Variants in GALNT13 observed in about 807,000 individuals in gnomAD.
GALNT13 encodes the protein polypeptide N-acetylgalactosaminyltransferase 13.
A neutral mutation model predicts 64.2 loss-of-function variants in GALNT13; 28 were observed. That is an observed-to-expected ratio of 0.44 (90% CI 0.32 to 0.60). The LOEUF (loss-of-function observed/expected upper bound fraction) is 0.60. Ranked by LOEUF, GALNT13 falls within the 20% of genes least tolerant of loss-of-function variation. GALNT13 has a pLI of 0.05. For missense variants in GALNT13, 577 were observed against 669.8 expected (o/e 0.86, Z 1.53); for synonymous variants, 214 against 224.6 (o/e 0.95, Z 0.42).
chr2:153,963,729 C>CTG (rs1357755350), intron 3 of GALNT13, among the ~76,000 whole-genome samples: 5,219 of 116,768 alleles, frequency 0.045, 93 homozygotes, highest in Non-Finnish European at 0.055. Context: ...CTCTCTCTCT[C>CTG]TCTGTGTGTG....
At chr2:153,537,745 G>A in the GALNT13 span, among the ~76,000 whole-genome samples, 3 of 152,090 alleles carry the variant, frequency 2.0e-5, no homozygotes, top group Non-Finnish European at 2.9e-5. Flanking sequence ...TTTATAAGGC[G>A]ATTTTCCCCC....
intron 3 of GALNT13, among the ~76,000 whole-genome samples, chr2:154,050,181 C>G (rs536747211): frequency 1.1e-4 from 16 of 152,050 alleles, no homozygotes; most frequent in East Asian, 5.8e-4. Flanking sequence ...TAGTAATAAG[C>G]CTTTGTATAA....
At chr2:153,779,719 C>G in the GALNT13 span, among the ~76,000 whole-genome samples, 4 of 152,068 alleles carry the variant, frequency 2.6e-5, no homozygotes, top group Non-Finnish European at 4.4e-5. Flanking sequence ...GGTAATTTCT[C>G]ATGAGTGATG....
intron 8 of GALNT13, among the ~76,000 whole-genome samples, chr2:154,265,594 G>T (rs1272036511): frequency 6.6e-6 from 1 of 152,134 alleles, no homozygotes; most frequent in East Asian, 1.9e-4. Context: ...AGCTACTTGG[G>T]AGGCTGAAAC....
chr2:153,402,574 G>A, the GALNT13 span, among the ~76,000 whole-genome samples: 2 of 152,016 alleles, frequency 1.3e-5, no homozygotes, highest in Admixed American at 6.6e-5. Flanking sequence ...CCAATCAGAC[G>A]TAGATTTGGT....
the GALNT13 span, among the ~76,000 whole-genome samples, chr2:153,524,608 C>A: frequency 3.3e-5 from 5 of 151,972 alleles, no homozygotes; most frequent in Non-Finnish European, 7.4e-5. Flanking sequence ...AGGAAGATGG[C>A]AGTATTTGTG....
At chr2:153,162,507 A>C in the GALNT13 span, among the ~76,000 whole-genome samples, 1 of 152,090 alleles carries the variant, frequency 6.6e-6, no homozygotes, top group African/African-American at 2.4e-5. Flanking sequence ...AACATTTCGA[A>C]TCCCAGCCTC....
At chr2:154,181,854 C>T (rs1210631687) in intron 4 of GALNT13, among the ~76,000 whole-genome samples, 1 of 151,906 alleles carries the variant, frequency 6.6e-6, no homozygotes, top group Non-Finnish European at 1.5e-5. Flanking sequence ...TTACAAATGT[C>T]AAAGTCTACT....
intron 3 of GALNT13, among the ~76,000 whole-genome samples, chr2:154,091,289 G>T (rs970218826): frequency 6.6e-6 from 1 of 151,796 alleles, no homozygotes; most frequent in Non-Finnish European, 1.5e-5. Flanking sequence ...GCCATATAAG[G>T]AAATTTTATT....
At chr2:153,520,862 C>T in the GALNT13 span, among the ~76,000 whole-genome samples, 1 of 151,974 alleles carries the variant, frequency 6.6e-6, no homozygotes, top group Non-Finnish European at 1.5e-5. Flanking sequence ...CAGAAGAGAC[C>T]ATGAGATATG....
intron 4 of GALNT13, among the ~76,000 whole-genome samples, chr2:154,202,434 T>G (rs1687222388): frequency 6.6e-6 from 1 of 152,102 alleles, no homozygotes; most frequent in African/African-American, 2.4e-5. Context: ...GGTAGCATTT[T>G]TTAAGGCACA....
At chr2:154,364,610 A>G (rs912893690) in intron 9 of GALNT13, among the ~76,000 whole-genome samples, 6 of 152,152 alleles carry the variant, frequency 3.9e-5, no homozygotes, top group Non-Finnish European at 7.3e-5. Flanking sequence ...GTTTTCTTAT[A>G]TGACTATTGA....
At chr2:153,413,361 C>A in the GALNT13 span, among the ~76,000 whole-genome samples, 2 of 152,100 alleles carry the variant, frequency 1.3e-5, no homozygotes, top group Admixed American at 6.6e-5. Flanking sequence ...TGGACACTTA[C>A]TACTGGGTCT....
the GALNT13 span, among the ~76,000 whole-genome samples, chr2:153,620,375 C>T: frequency 2.2e-4 from 33 of 152,128 alleles, no homozygotes; most frequent in African/African-American, 7.2e-4. Context: ...CCACCCATCT[C>T]GGCCTCCCAA....
At chr2:154,049,235 C>T (rs904591608) in intron 3 of GALNT13, among the ~76,000 whole-genome samples, 8 of 151,154 alleles carry the variant, frequency 5.3e-5, no homozygotes, top group Admixed American at 2.0e-4. Context: ...GTACATTTTG[C>T]GGGTCTGTGG....
chr2:153,250,312 G>T, the GALNT13 span, among the ~76,000 whole-genome samples: 1 of 152,202 alleles, frequency 6.6e-6, no homozygotes, highest in African/African-American at 2.4e-5. Context: ...TTAGAGAAAC[G>T]CAAATCAAAA....
At position 154,450,653 on chromosome 2, in the gene GALNT13, C is replaced by A; in HGVS notation, c.*102C>A. On this transcript the variant is annotated 3_prime_UTR_variant, in exon 13 of 13. Coordinates refer to ENST00000392825, the MANE Select transcript of GALNT13 (RefSeq NM_052917.4). ...TTGCTGAATTGAAAGTTTTAAAAAT[C>A]CTTTTAGTATTCTAAAACACAATTG... 1 of 1,088,286 alleles carries A rather than the reference C, an allele frequency of 9.2e-7. No homozygotes were observed. Among genetic ancestry groups the A allele is most frequent in the Non-Finnish European group, 1.3e-6 (1 of 784,956 alleles). The allele number at this position is 1,088,286 out of a possible 1,614,324, so 67.4% of individuals were successfully genotyped here.
At chr2:154,026,889 A>G (rs1390132473) in intron 3 of GALNT13, among the ~76,000 whole-genome samples, 2 of 152,126 alleles carry the variant, frequency 1.3e-5, no homozygotes, top group Admixed American at 6.6e-5. Flanking sequence ...ATGAGAATGG[A>G]TAGGTACACC....
the GALNT13 span, among the ~76,000 whole-genome samples, chr2:153,112,110 T>C: frequency 6.6e-6 from 1 of 152,124 alleles, no homozygotes; most frequent in Non-Finnish European, 1.5e-5. Context: ...TTTCCTTCCA[T>C]ATGGCGGGGG....
Sources: allele counts gnomAD v4.1 joint callset (sites outside exome capture counted in the v4.1 genomes callset), GRCh38; gene constraint gnomAD v4.1.1; transcripts MANE v1.5; gene names NCBI Gene and HGNC (gene_info 2026-07-23, HGNC 2026-07-21).